The following HBS1L variants were observed in gnomAD, a reference collection of about 807,000 sequenced individuals.
HBS1L encodes the protein HBS1 like translational GTPase.
HBS1L carries 55 observed loss-of-function variants against 88.9 expected under a neutral mutation model. The observed-to-expected ratio is 0.62, with a 90% CI of 0.50 to 0.77. The LOEUF is 0.77. Ranked by LOEUF, HBS1L falls within the 30% of genes least tolerant of loss-of-function variation. The probability of loss-of-function intolerance (pLI) is 0.00; values close to 1 mark genes in which losing one functional copy is unlikely to be tolerated. For missense variants in HBS1L, 741 were observed against 829.3 expected, an observed-to-expected ratio of 0.89 and a Z score of 1.31; for synonymous variants, 267 against 288.5, an observed-to-expected ratio of 0.93 and a Z score of 0.76.
At chr6:135,006,348 C>T (rs1775611559) in intron 4 of HBS1L, among the ~76,000 whole-genome samples, 1 of 152,050 alleles carries the variant, frequency 6.6e-6, no homozygotes, top group South Asian at 2.1e-4. Flanking sequence ...ACTGAAAATC[C>T]AGTGTTGGAC....
At chr6:135,020,812 T>C (rs937128751) in intron 4 of HBS1L, among the ~76,000 whole-genome samples, 4 of 151,838 alleles carry the variant, frequency 2.6e-5, no homozygotes, top group Admixed American at 1.3e-4. Context: ...AGCTAGACAA[T>C]GGAATACTAT....
intron 4 of HBS1L, chr6:135,038,064 G>A (rs745938910): frequency 7.0e-7 from 1 of 1,433,082 alleles, no homozygotes; most frequent in African/African-American, 1.4e-5. Context: ...AGATGAATAG[G>A]TTGATATACG....
intron 6 of HBS1L, 121 bp downstream of exon 6, chr6:134,997,274 CTG>C: frequency 8.8e-7 from 1 of 1,137,028 alleles, no homozygotes; most frequent in Non-Finnish European, 1.3e-6. Context: ...CATTATGAGA[CTG>C]TGCCTCCTTG....
chr6:135,045,552 C>T (rs1169219993), intron 2 of HBS1L, among the ~76,000 whole-genome samples: 1 of 152,136 alleles, frequency 6.6e-6, no homozygotes, highest in Non-Finnish European at 1.5e-5. Context: ...AAGAATTATT[C>T]TGGCCAGGCA....
At chr6:135,046,318 C>T (rs1028898359) in intron 2 of HBS1L, among the ~76,000 whole-genome samples, 2 of 150,858 alleles carry the variant, frequency 1.3e-5, no homozygotes, top group Non-Finnish European at 2.9e-5. Context: ...CTTCCTTATA[C>T]CAAACTAATT....
chr6:135,004,725 G>A (rs1200125622), intron 4 of HBS1L, among the ~76,000 whole-genome samples: 1 of 152,120 alleles, frequency 6.6e-6, no homozygotes, highest in Non-Finnish European at 1.5e-5. Flanking sequence ...TTTGAGATTG[G>A]GACATATTAG....
chr6:135,013,250 A>G (rs1386350988), intron 4 of HBS1L, among the ~76,000 whole-genome samples: 3 of 152,244 alleles, frequency 2.0e-5, no homozygotes, highest in African/African-American at 7.2e-5. Flanking sequence ...ACATGTAATG[A>G]CTGGCACATA....
intron 13 of HBS1L, among the ~76,000 whole-genome samples, chr6:134,980,334 A>AATGCAC (rs1774792777): frequency 6.6e-6 from 1 of 151,958 alleles, no homozygotes; most frequent in African/African-American, 2.4e-5. Context: ...CATCTGCATT[A>AATGCAC]ATCTGAGAAA....
chr6:135,036,630 T>C, intron 4 of HBS1L: 8 of 1,547,184 alleles, frequency 5.2e-6, no homozygotes, highest in Non-Finnish European at 7.0e-6. Context: ...TGAAGTCAAA[T>C]GGTGTTATTG....
At chr6:135,020,009 C>G (rs1039698181) in intron 4 of HBS1L, among the ~76,000 whole-genome samples, 8 of 151,334 alleles carry the variant, frequency 5.3e-5, no homozygotes, top group Non-Finnish European at 1.2e-4. Flanking sequence ...TTTACAAAAG[C>G]ATAATCAAAA....
intron 4 of HBS1L, among the ~76,000 whole-genome samples, chr6:135,007,466 TA>T: frequency 6.6e-6 from 1 of 152,328 alleles, no homozygotes; most frequent in Middle Eastern, 3.4e-3. Flanking sequence ...TAACCATGGC[TA>T]AGGCTATTTT....
intron 4 of HBS1L, among the ~76,000 whole-genome samples, chr6:135,031,196 T>C (rs1776373804): frequency 6.6e-6 from 1 of 152,064 alleles, no homozygotes; most frequent in South Asian, 2.1e-4. Context: ...AGTTCGGTGT[T>C]AATGAATCCA....
intron 1 of HBS1L, among the ~76,000 whole-genome samples, chr6:135,052,825 T>C (rs1050225681): frequency 3.3e-5 from 5 of 152,210 alleles, no homozygotes; most frequent in African/African-American, 1.2e-4. Context: ...GAGGCAGTCA[T>C]GTAAAGTATT....
chr6:134,975,345 C>A (rs184790224), intron 15 of HBS1L, among the ~76,000 whole-genome samples: 1 of 152,174 alleles, frequency 6.6e-6, no homozygotes, highest in African/African-American at 2.4e-5. Flanking sequence ...GCCCAATCTA[C>A]AGATTTGGTG....
chr6:135,037,765 A>G (rs903232147), intron 4 of HBS1L: 2 of 1,550,706 alleles, frequency 1.3e-6, no homozygotes, highest in African/African-American at 2.7e-5. Context: ...ATCTCTTGAC[A>G]TATCATGAAT....
chr6:135,006,403 G>T (rs950641641), intron 4 of HBS1L, among the ~76,000 whole-genome samples: 1 of 152,274 alleles, frequency 6.6e-6, no homozygotes, highest in South Asian at 2.1e-4. Context: ...CTGTGATCAT[G>T]AAGAGCTTAG....
chr6:135,002,489 C>A, intron 5 of HBS1L: 1 of 267,068 alleles, frequency 3.7e-6, no homozygotes, highest in Non-Finnish European at 7.2e-6. Context: ...GTTAAAGTAG[C>A]TATAAAATAT....
chr6:135,015,360 G>A (rs1404914869), intron 4 of HBS1L, among the ~76,000 whole-genome samples: 1 of 152,156 alleles, frequency 6.6e-6, no homozygotes, highest in Non-Finnish European at 1.5e-5. Flanking sequence ...AAATTTAAGT[G>A]AGATTCCAAA....
At chr6:134,984,762 A>G (rs1328236527) in intron 12 of HBS1L, among the ~76,000 whole-genome samples, 1 of 152,022 alleles carries the variant, frequency 6.6e-6, no homozygotes, top group Non-Finnish European at 1.5e-5. Context: ...CAAGCTCTGA[A>G]CCTCTTCTAC....
Sources: allele counts gnomAD v4.1 joint callset (sites outside exome capture counted in the v4.1 genomes callset), GRCh38; gene constraint gnomAD v4.1.1; transcripts MANE v1.5; gene names NCBI Gene and HGNC (gene_info 2026-07-23, HGNC 2026-07-21).